BACH2: variants seen among roughly 807,000 people sequenced by gnomAD.
The protein encoded by BACH2 is transcription regulator protein BACH2.
BACH2 carries 5 observed loss-of-function variants against 61.8 expected under a neutral mutation model. The observed-to-expected ratio is 0.08, with a 90% CI of 0.04 to 0.17. The LOEUF is 0.17. BACH2 is among the 10% of genes least tolerant of loss of function. BACH2 has a pLI of 1.00. For synonymous variants in BACH2, 446 were observed against 440.1 expected, an observed-to-expected ratio of 1.01 and a Z score of -0.17; for missense variants, 824 against 1,091.1, an observed-to-expected ratio of 0.76 and a Z score of 3.45.
intron 5 of BACH2, among the ~76,000 whole-genome samples, chr6:90,021,917 T>C (rs1026437612): frequency 1.3e-5 from 2 of 152,210 alleles, no homozygotes; most frequent in Admixed American, 6.5e-5. Flanking sequence ...TCCATCTGCC[T>C]GCATCCTAGT....
chr6:89,961,760 C>A (rs547226239), intron 6 of BACH2, among the ~76,000 whole-genome samples: 3 of 152,168 alleles, frequency 2.0e-5, no homozygotes, highest in African/African-American at 7.2e-5. Context: ...AACCACACTG[C>A]CTGCGACTAC....
chr6:90,053,883 A>G (rs565127767), intron 5 of BACH2, among the ~76,000 whole-genome samples: 2 of 152,278 alleles, frequency 1.3e-5, no homozygotes, highest in African/African-American at 4.8e-5. Context: ...TTACTACGGT[A>G]TAAAAAGTTG....
chr6:89,942,136 G>C (rs1773470657), intron 7 of BACH2, among the ~76,000 whole-genome samples: 1 of 152,076 alleles, frequency 6.6e-6, no homozygotes, highest in South Asian at 2.1e-4. Context: ...CTCTAGCAAG[G>C]GAGGACTTAT....
intron 5 of BACH2, among the ~76,000 whole-genome samples, chr6:90,028,802 C>T (rs1032541582): frequency 6.6e-6 from 1 of 152,224 alleles, no homozygotes; most frequent in Non-Finnish European, 1.5e-5. Flanking sequence ...TGAATTCTGA[C>T]TCTGTCATTC....
intron 3 of BACH2, among the ~76,000 whole-genome samples, chr6:90,228,899 C>T (rs182558566): frequency 6.6e-6 from 1 of 152,270 alleles, no homozygotes; most frequent in African/African-American, 2.4e-5. Flanking sequence ...GGGGAGAAAC[C>T]ATCATTTGAC....
intron 4 of BACH2, among the ~76,000 whole-genome samples, chr6:90,138,693 G>C (rs1031633352): frequency 1.3e-5 from 2 of 152,078 alleles, no homozygotes; most frequent in Non-Finnish European, 2.9e-5. Flanking sequence ...ACACATCCTA[G>C]GAGATAGAAC....
intron 4 of BACH2, among the ~76,000 whole-genome samples, chr6:90,100,593 T>C (rs1048725510): frequency 1.3e-5 from 2 of 152,116 alleles, no homozygotes; most frequent in Non-Finnish European, 2.9e-5. Context: ...GTCTACAGCC[T>C]GCTGGCCTAC....
chr6:90,260,425 A>G (rs1018564861), intron 2 of BACH2, among the ~76,000 whole-genome samples: 5 of 152,222 alleles, frequency 3.3e-5, no homozygotes, highest in Admixed American at 3.3e-4. Flanking sequence ...CTGAAATGAT[A>G]CTAGACATAA....
chr6:90,012,905 C>T lies in BACH2; in HGVS notation c.-12-4049G>A, dbSNP rs184153024. ...TGGTCTCGAACTCTTGGTCTCTCCT[C>T]GGCCTCCCAAAGTGCTGGGATTACA... On this transcript the variant is annotated intron_variant, in intron 5 of 8. Coordinates refer to ENST00000257749, the MANE Select transcript of BACH2 (RefSeq NM_021813.4). 1.1e-3 allele frequency among the ~76,000 whole-genome samples: 170 copies of T among 152,192 alleles called. 1 individual carries two copies. In the Middle Eastern group the frequency reaches 0.027, roughly 24 times the overall value.
At chr6:90,037,290 A>T (rs562231758) in intron 5 of BACH2, among the ~76,000 whole-genome samples, 1 of 152,246 alleles carries the variant, frequency 6.6e-6, no homozygotes, top group Non-Finnish European at 1.5e-5. Context: ...GAGGCTTTTT[A>T]AAAAAGCCCA....
chr6:90,063,302 A>G (rs1364109588), intron 5 of BACH2, among the ~76,000 whole-genome samples: 2 of 152,192 alleles, frequency 1.3e-5, no homozygotes, highest in South Asian at 4.1e-4. Flanking sequence ...TCTGCCTGCT[A>G]ATTACTTCCC....
intron 4 of BACH2, among the ~76,000 whole-genome samples, chr6:90,169,110 G>C (rs890619596): frequency 6.6e-6 from 1 of 151,758 alleles, no homozygotes; most frequent in Admixed American, 6.6e-5. Flanking sequence ...CACACAGTTT[G>C]GAGCTGCAGG....
chr6:90,245,518 G>A (rs9444752), intron 3 of BACH2, among the ~76,000 whole-genome samples: 7,734 of 152,184 alleles, frequency 0.051, 659 homozygotes, highest in African/African-American at 0.18. Flanking sequence ...GAACTGTGAC[G>A]GTGGCACTGC....
At chr6:90,009,501 G>GAA (rs1777593467) in intron 5 of BACH2, among the ~76,000 whole-genome samples, 2 of 152,222 alleles carry the variant, frequency 1.3e-5, no homozygotes, top group East Asian at 3.8e-4. Flanking sequence ...TCAGCTCTTA[G>GAA]AAAGATGTGG....
intron 5 of BACH2, among the ~76,000 whole-genome samples, chr6:90,058,421 A>G (rs1304156505): frequency 2.0e-5 from 3 of 152,200 alleles, no homozygotes; most frequent in Non-Finnish European, 4.4e-5. Context: ...TACAAGGGAT[A>G]TGAAGGAGCT....
chr6:89,950,702 C>T lies in BACH2; in HGVS notation c.1404G>A (p.Val468=). 6.2e-7 allele frequency: 1 copy of T among 1,614,176 alleles called. No individual in the cohort carries two copies. The highest frequency in any genetic ancestry group is 1.3e-5 in the African/African-American group (1 of 75,046). Residue 468 remains valine (V), a synonymous_variant, in exon 7 of 9, where the codon GTG becomes GTA. Transcript: ENST00000257749. The surrounding 1 kb of genome is among the most constrained non-coding windows in gnomAD (Gnocchi z 5.3). ...LSEPVPKGLW[V]GAGQSLPSSQ... is the part of the protein sequence containing the mutation. ...AGCTGGGGAGGGACTGGCCGGCTCCCACCCACAGACCCTTTGGCACCGGCT... is the reference window on the plus strand; with the variant it reads ...AGCTGGGGAGGGACTGGCCGGCTCCTACCCACAGACCCTTTGGCACCGGCT...
chr6:90,295,842 G>GCCTCTTCCTGCGACCCGAGGCCCCCAA, intron 1 of BACH2, among the ~76,000 whole-genome samples: 1 of 152,154 alleles, frequency 6.6e-6, no homozygotes, highest in East Asian at 1.9e-4. Context: ...GAGGCCCCCA[G>GCCTCTTCCTGCGACCCGAGGCCCCCAA]CTCGCCTCTT....
chr6:90,255,988 G>C (rs903491351), intron 2 of BACH2, among the ~76,000 whole-genome samples: 2 of 152,142 alleles, frequency 1.3e-5, no homozygotes, highest in African/African-American at 4.8e-5. Flanking sequence ...TTTTCCAACG[G>C]AGACTTGCCC....
intron 4 of BACH2, among the ~76,000 whole-genome samples, chr6:90,110,583 A>G (rs979008023): frequency 6.6e-6 from 1 of 152,220 alleles, no homozygotes; most frequent in African/African-American, 2.4e-5. Context: ...AGTAGCAGCT[A>G]TGTGTTTTCC....
Sources: gnomAD v4.1 joint callset for allele counts (sites outside exome capture counted in the v4.1 genomes callset) on GRCh38, gnomAD v4.1.1 for gene constraint, Gnocchi (gnomAD v3.1) non-coding constraint, MANE v1.5 for transcripts, NCBI Gene and HGNC (gene_info 2026-07-23, HGNC 2026-07-21) for gene names.